PRKG1: variants seen among roughly 807,000 people sequenced by gnomAD.
PRKG1 encodes the protein protein kinase cGMP-dependent 1.
A neutral mutation model predicts 88.1 loss-of-function variants in PRKG1; 35 were observed. That is an observed-to-expected ratio of 0.40 (90% CI 0.30 to 0.53). The LOEUF (loss-of-function observed/expected upper bound fraction) is 0.53, where lower values mean the gene tolerates loss of function less well. Among genes scored for constraint, PRKG1 ranks in the 20% least tolerant of loss-of-function variants. The pLI is 0.59. For synonymous variants in PRKG1, 303 were observed against 292.5 expected (o/e 1.04, Z -0.37); for missense variants, 540 against 839.8 (o/e 0.64, Z 4.41).
At chr10:51,159,264 C>T (rs74131778) in intron 2 of PRKG1, among the ~76,000 whole-genome samples, 5,307 of 152,124 alleles carry the variant, frequency 0.035, 300 homozygotes, top group African/African-American at 0.12. Context: ...CAGAACACTA[C>T]CTGAGAGTGT....
At chr10:51,238,693 C>G (rs879346576) in intron 2 of PRKG1, among the ~76,000 whole-genome samples, 33 of 140,588 alleles carry the variant, frequency 2.3e-4, no homozygotes, top group South Asian at 4.6e-4. Flanking sequence ...CCTGGGAGGA[C>G]GAGGTTGCAG....
At chr10:51,537,755 G>C (rs867807266) in intron 3 of PRKG1, among the ~76,000 whole-genome samples, 2 of 148,366 alleles carry the variant, frequency 1.3e-5, no homozygotes, top group African/African-American at 4.9e-5. Flanking sequence ...AAAATTACTC[G>C]GGGAGCTTTT....
intron 5 of PRKG1, among the ~76,000 whole-genome samples, chr10:51,946,702 T>G: frequency 6.6e-6 from 1 of 152,270 alleles, no homozygotes; most frequent in South Asian, 2.1e-4. Flanking sequence ...GCTGCAGGTC[T>G]GTTGGAGTTT....
At chr10:52,069,651 G>A (rs940745891) in intron 7 of PRKG1, among the ~76,000 whole-genome samples, 1 of 152,106 alleles carries the variant, frequency 6.6e-6, no homozygotes, top group East Asian at 1.9e-4. Flanking sequence ...GAAGTAAAAT[G>A]TTATGAAAAC....
chr10:51,449,866 A>AT (rs2132767788), intron 2 of PRKG1, among the ~76,000 whole-genome samples: 1 of 151,802 alleles, frequency 6.6e-6, no homozygotes, highest in East Asian at 1.9e-4. Context: ...GTCTGGGCAT[A>AT]GTTAGGATTT....
chr10:51,576,997 T>A (rs1332508960), intron 3 of PRKG1, among the ~76,000 whole-genome samples: 1 of 151,972 alleles, frequency 6.6e-6, no homozygotes, highest in East Asian at 1.9e-4. Context: ...AATCTAATAC[T>A]TTTTTAAAAA....
At chr10:51,480,139 G>C (rs1482952344) in intron 3 of PRKG1, among the ~76,000 whole-genome samples, 1 of 152,028 alleles carries the variant, frequency 6.6e-6, no homozygotes, top group African/African-American at 2.4e-5. Flanking sequence ...TGGCATTTGG[G>C]TGAGCATATT....
In PRKG1 at chr10:51,702,567, G is replaced by C. The variant is rs140350578; in HGVS notation, c.593-102018G>C. Among the ~76,000 whole-genome samples, 5 of 152,224 alleles carry C rather than the reference G, an allele frequency of 3.3e-5. No individual in the cohort carries two copies. In the East Asian group the frequency reaches 9.7e-4, roughly 29 times the overall value. On this transcript the variant is annotated intron_variant, in intron 3 of 17. Transcript: ENST00000373980. ...TACATGGTATAGTGTATGTCCAGAC[G>C]TTGATTCTTTCAACAGATTGATACC... is the stretch of plus-strand genomic sequence containing the variant.
chr10:51,950,833 C>T (rs144563453), intron 5 of PRKG1, among the ~76,000 whole-genome samples: 2 of 152,330 alleles, frequency 1.3e-5, no homozygotes, highest in East Asian at 1.9e-4. Flanking sequence ...TCTTGTCCAG[C>T]ATCCAAGAAG....
chr10:51,015,001 T>C (rs1843039681), intron 1 of PRKG1, among the ~76,000 whole-genome samples: 8 of 152,232 alleles, frequency 5.3e-5, no homozygotes, highest in Admixed American at 4.6e-4. Flanking sequence ...GATTACTATA[T>C]GATAGAAACT....
At chr10:51,814,712 G>T (rs1564657942) in intron 4 of PRKG1, among the ~76,000 whole-genome samples, 1 of 151,894 alleles carries the variant, frequency 6.6e-6, no homozygotes, top group African/African-American at 2.4e-5. Flanking sequence ...TCTAAAAGTG[G>T]CCATTAATTT....
intron 3 of PRKG1, among the ~76,000 whole-genome samples, chr10:51,588,208 T>G (rs1423979899): frequency 6.6e-6 from 1 of 152,076 alleles, no homozygotes; most frequent in African/African-American, 2.4e-5. Context: ...GAGTATACAG[T>G]GCACATTTTT....
chr10:51,009,817 T>C (rs1842973278), intron 1 of PRKG1, among the ~76,000 whole-genome samples: 1 of 152,216 alleles, frequency 6.6e-6, no homozygotes, highest in African/African-American at 2.4e-5. Context: ...TTGTTCAATA[T>C]GGAATCGTAC....
intron 1 of PRKG1, among the ~76,000 whole-genome samples, chr10:51,047,166 A>G (rs1161479784): frequency 6.6e-6 from 1 of 152,120 alleles, no homozygotes; most frequent in Non-Finnish European, 1.5e-5. Flanking sequence ...CAAAGGTGAG[A>G]GCCTCAAGGT....
At chr10:51,780,383 A>G (rs1027750682) in intron 3 of PRKG1, among the ~76,000 whole-genome samples, 2 of 152,084 alleles carry the variant, frequency 1.3e-5, no homozygotes, top group African/African-American at 4.8e-5. Context: ...GCTGAACAAT[A>G]AATAAATAAA....
intron 4 of PRKG1, among the ~76,000 whole-genome samples, chr10:51,900,671 G>T (rs1841960644): frequency 6.6e-6 from 1 of 152,110 alleles, no homozygotes; most frequent in South Asian, 2.1e-4. Context: ...TTGAAAGTTT[G>T]AATTTTATCA....
intron 3 of PRKG1, among the ~76,000 whole-genome samples, chr10:51,778,093 T>C (rs1313711611): frequency 6.6e-6 from 1 of 152,174 alleles, no homozygotes; most frequent in African/African-American, 2.4e-5. Flanking sequence ...ACATTGTTTC[T>C]TCACAGTGTA....
intron 2 of PRKG1, among the ~76,000 whole-genome samples, chr10:51,154,849 T>G (rs2131978200): frequency 6.6e-6 from 1 of 152,082 alleles, no homozygotes; most frequent in African/African-American, 2.4e-5. Context: ...GAGATGAAAT[T>G]ATAGGACAAG....
chr10:51,707,434 C>T (rs569410149), intron 3 of PRKG1, among the ~76,000 whole-genome samples: 13 of 152,210 alleles, frequency 8.5e-5, no homozygotes, highest in Admixed American at 7.2e-4. Context: ...CATAGAAAGG[C>T]ATAGCTAATT....
Sources: allele counts gnomAD v4.1 joint callset (sites outside exome capture counted in the v4.1 genomes callset), GRCh38; gene constraint gnomAD v4.1.1; transcripts MANE v1.5; gene names NCBI Gene and HGNC (gene_info 2026-07-23, HGNC 2026-07-21).